CNOT4: variants seen among roughly 807,000 people sequenced by gnomAD.
CNOT4 encodes CCR4-associated factor 4.
Under a neutral mutation model 73.8 loss-of-function variants are expected in CNOT4, and 8 were observed. That is an observed-to-expected ratio of 0.11 (90% CI 0.06 to 0.20). The LOEUF is 0.20. CNOT4 is among the 10% of genes least tolerant of loss of function. CNOT4 has a pLI of 1.00. For missense variants in CNOT4, 564 were observed against 883.4 expected, an observed-to-expected ratio of 0.64 and a Z score of 4.58; for synonymous variants, 293 against 321.1, an observed-to-expected ratio of 0.91 and a Z score of 0.94.
Position 135,364,530 on chromosome 7 carries a change from G to A in CNOT4, c.1628-464C>T, listed in dbSNP as rs1415573507. 6.6e-6 allele frequency among the ~76,000 whole-genome samples: 1 copy of A among 152,186 alleles called. No homozygotes were observed. Among genetic ancestry groups the A allele is most frequent in the Non-Finnish European group, 1.5e-5 (1 of 68,028 alleles). ...GTCATTTTATGAAGAATAAACATAA[G>A]CAATAGAAAAAGAAAAATAATTAAG... is the stretch of plus-strand genomic sequence containing the variant. On this transcript the variant is annotated intron_variant, in intron 10 of 11. Transcript: ENST00000541284. This position sits in a 1 kb window ranked among gnomAD's most constrained non-coding sequence, Gnocchi z 4.3.
Position 135,494,347 on chromosome 7 carries a change from G to A in CNOT4, c.-93+15542C>T, listed in dbSNP as rs937218984. ...TAGCCGGGCATGGTAGTGCGCGCCT[G>A]TAATCCCAGCTACTCGGGAGGCTGA... is the stretch of plus-strand genomic sequence containing the variant. On this transcript the variant is annotated intron_variant, in intron 1 of 11. Coordinates refer to ENST00000541284, the MANE Select transcript of CNOT4 (RefSeq NM_001190850.2). Among the ~76,000 whole-genome samples, 3 of 151,678 alleles carry A rather than the reference G, an allele frequency of 2.0e-5. No homozygotes were observed. The South Asian group carries it at 6.2e-4, about 32-fold the overall frequency.
intron 2 of CNOT4, among the ~76,000 whole-genome samples, chr7:135,437,617 C>T (rs371290426): frequency 3.7e-4 from 57 of 152,260 alleles, no homozygotes; most frequent in African/African-American, 1.3e-3. Flanking sequence ...CTCCTGTTTC[C>T]TTGAGTGTAA....
intron 2 of CNOT4, among the ~76,000 whole-genome samples, chr7:135,436,404 C>T (rs953277143): frequency 6.6e-6 from 1 of 151,594 alleles, no homozygotes; most frequent in Non-Finnish European, 1.5e-5. Flanking sequence ...ATCAAATTTA[C>T]AATCCTTAGA....
intron 10 of CNOT4, chr7:135,388,645 A>T: frequency 7.7e-7 from 1 of 1,291,570 alleles, no homozygotes; most frequent in Non-Finnish European, 9.9e-7. Context: ...AACAACTATG[A>T]GGTAACACGC....
Position 135,363,155 on chromosome 7 carries a change from G to A in CNOT4, c.1872C>T (p.Asp624=). 4 of 1,613,710 alleles carry A rather than the reference G, an allele frequency of 2.5e-6. No homozygotes were observed. The highest frequency in any genetic ancestry group is 3.4e-6 in the Non-Finnish European group (4 of 1,180,002). ...GTGGAGGATTGTCATCTTGAAGAGA[G>A]TCTAAACTGTTTCCTGAAGACGCTG... is the stretch of plus-strand genomic sequence containing the variant. The part of the protein sequence containing the change: ...GIPASSGNSL[D]SLQDDNPPHW... The change falls in exon 12 of 12, where the codon GAC becomes GAT. Residue 624 remains aspartate, a synonymous_variant. Transcript: ENST00000541284. The surrounding 1 kb of genome is among the most constrained non-coding windows in gnomAD (Gnocchi z 4.3).
intron 1 of CNOT4, among the ~76,000 whole-genome samples, chr7:135,505,704 T>C (rs577184016): frequency 2.6e-5 from 4 of 152,212 alleles, no homozygotes; most frequent in Admixed American, 2.0e-4. Flanking sequence ...TTATAATTTC[T>C]CTTTTCTGAT....
intron 1 of CNOT4, among the ~76,000 whole-genome samples, chr7:135,449,039 A>G (rs1800005342): frequency 6.6e-6 from 1 of 152,194 alleles, no homozygotes; most frequent in East Asian, 1.9e-4. Flanking sequence ...AAGAAAAACT[A>G]TCTTAAGTAA....
intron 1 of CNOT4, among the ~76,000 whole-genome samples, chr7:135,488,872 A>G (rs1802916644): frequency 6.6e-6 from 1 of 152,214 alleles, no homozygotes; most frequent in African/African-American, 2.4e-5. Context: ...TAGAGAAAGA[A>G]TAAGTTATGC....
intron 2 of CNOT4, among the ~76,000 whole-genome samples, chr7:135,431,489 A>G (rs1483302620): frequency 6.6e-6 from 1 of 152,186 alleles, no homozygotes; most frequent in Non-Finnish European, 1.5e-5. Context: ...CACGCTTGTA[A>G]TCCTGACACT....
chr7:135,398,326 C>T, intron 7 of CNOT4, 100 bp from the exon 8 acceptor site: 2 of 677,836 alleles, frequency 3.0e-6, no homozygotes, highest in South Asian at 3.4e-5. Context: ...ACTTTACCAT[C>T]TTAACAAATG....
chr7:135,463,794 G>T (rs1801038777), intron 1 of CNOT4, among the ~76,000 whole-genome samples: 2 of 151,656 alleles, frequency 1.3e-5, no homozygotes, highest in Non-Finnish European at 2.9e-5. Flanking sequence ...TCTGACAAAG[G>T]TCTAATATCC....
At chr7:135,448,559 G>GGGAAGGAA (rs1226895008) in intron 1 of CNOT4, among the ~76,000 whole-genome samples, 40 of 148,396 alleles carry the variant, frequency 2.7e-4, no homozygotes, top group African/African-American at 9.4e-4. Context: ...GAGGGAGGGA[G>GGGAAGGAA]GGAAGGAAGG....
intron 1 of CNOT4, among the ~76,000 whole-genome samples, chr7:135,472,292 A>C (rs1240009785): frequency 6.7e-6 from 1 of 148,800 alleles, no homozygotes; most frequent in African/African-American, 2.5e-5. Context: ...CCTGGATAAC[A>C]CAGTGACACC....
rs1004843425 is a variant in CNOT4, at chr7:135,394,321, G to A, written c.1224C>T (p.Phe408=). ...QPEDDLGFDP[F]DVTRKALADL... is the part of the protein sequence containing the mutation. The stretch of plus-strand genomic sequence containing the variant: ...CTGCTAAGGCTTTTCGAGTGACATC[G>A]AAGGGATCAAAACCCAAGTCATCCT... The change falls in exon 10 of 12, where the codon TTC becomes TTT. Residue 408 remains phenylalanine (F), a synonymous_variant. Coordinates refer to ENST00000541284, the MANE Select transcript of CNOT4 (RefSeq NM_001190850.2). The A allele has an allele frequency of 1.4e-5, 23 of 1,614,116 alleles. No individual in the cohort carries two copies. Among genetic ancestry groups the A allele is most frequent in the Non-Finnish European group, 1.9e-5 (22 of 1,179,992 alleles).
chr7:135,506,550 T>C (rs1205779589), intron 1 of CNOT4, among the ~76,000 whole-genome samples: 1 of 152,176 alleles, frequency 6.6e-6, no homozygotes, highest in African/African-American at 2.4e-5. Flanking sequence ...TGCAGTCACA[T>C]TAGAAAATTT....
intron 2 of CNOT4, among the ~76,000 whole-genome samples, chr7:135,424,761 C>A (rs1395741736): frequency 6.6e-6 from 1 of 152,122 alleles, no homozygotes; most frequent in East Asian, 1.9e-4. Flanking sequence ...TGCACTCCAG[C>A]CTGGGCGACA....
At position 135,472,600 on chromosome 7, in the gene CNOT4, A is replaced by T. The variant is rs1397175074; in HGVS notation, c.-92-34177T>A. The stretch of plus-strand genomic sequence containing the variant: ...TAAGTACGTCATAGCATCTCACAGA[A>T]TTTAACCCTTTCGAATTGTCCCTAA... On this transcript the variant is annotated intron_variant, in intron 1 of 11. Transcript: ENST00000541284. Among the ~76,000 whole-genome samples, 45 of 130,900 alleles carry T rather than the reference A, an allele frequency of 3.4e-4. 1 individual carries two copies. The Admixed American group carries it at 3.7e-3, about 11-fold the overall frequency. 85.9% of individuals were successfully genotyped at this position (130,900 alleles called of 152,430 possible).
rs1796646857 is a variant in CNOT4 at position 135,395,807 on chromosome 7, T to C, written c.956A>G (p.Asn319Ser). 6 of 1,613,532 alleles carry C rather than the reference T, an allele frequency of 3.7e-6. No homozygotes were observed. Among genetic ancestry groups the C allele is most frequent in the Admixed American group, 1.7e-5 (1 of 60,020 alleles). The change falls in exon 9 of 12, where the codon AAT becomes AGT. Residue 319 changes from asparagine to serine, a missense_variant. Coordinates refer to ENST00000541284, the MANE Select transcript of CNOT4 (RefSeq NM_001190850.2). ...SNPVIPISSS[N>S]HSARSPFEGA... ...TTCAAAAGGGGACCGTGCACTGTGA[T>C]TGGATGAACTGATGGGGATGACTGG...
chr7:135,398,662 C>T (rs965532258), intron 7 of CNOT4, among the ~76,000 whole-genome samples: 5 of 152,018 alleles, frequency 3.3e-5, no homozygotes, highest in Non-Finnish European at 7.4e-5. Context: ...CCTTAAGGAA[C>T]TTACATTGTA....
Sources: allele counts gnomAD v4.1 joint callset (sites outside exome capture counted in the v4.1 genomes callset), GRCh38; gene constraint gnomAD v4.1.1; non-coding constraint Gnocchi (gnomAD v3.1); transcripts MANE v1.5; gene names NCBI Gene and HGNC (gene_info 2026-07-23, HGNC 2026-07-21).